Variants in NALF1 observed in about 807,000 individuals in gnomAD.
The protein encoded by NALF1 is family with sequence similarity 155 member A.
A neutral mutation model predicts 48.4 loss-of-function variants in NALF1; 3 were observed. The ratio of observed to expected loss-of-function variants is 0.06; its 90% CI spans 0.03 to 0.16. NALF1 has a LOEUF of 0.16. NALF1 is among the 10% of genes least tolerant of loss of function. NALF1 has a pLI of 1.00. For synonymous variants in NALF1, 262 were observed against 245.7 expected, an observed-to-expected ratio of 1.07 and a Z score of -0.62; for missense variants, 526 against 571.5, an observed-to-expected ratio of 0.92 and a Z score of 0.81.
At chr13:107,475,947 T>A (rs991558715) in intron 1 of NALF1, among the ~76,000 whole-genome samples, 1 of 152,070 alleles carries the variant, frequency 6.6e-6, no homozygotes, top group African/African-American at 2.4e-5. Flanking sequence ...TAAGAAAGAA[T>A]GTGAGAAAAA....
intron 1 of NALF1, among the ~76,000 whole-genome samples, chr13:107,405,137 T>G (rs1566328089): frequency 6.6e-6 from 1 of 152,188 alleles, no homozygotes; most frequent in East Asian, 1.9e-4. Flanking sequence ...AAATCAGGTC[T>G]GCTATATGGC....
At chr13:107,813,150 G>C (rs1879050463) in intron 1 of NALF1, among the ~76,000 whole-genome samples, 1 of 152,052 alleles carries the variant, frequency 6.6e-6, no homozygotes, top group South Asian at 2.1e-4. Context: ...TATGAAATAG[G>C]CTTGGTAAAA....
At chr13:107,321,277 C>T (rs1882249992) in intron 1 of NALF1, among the ~76,000 whole-genome samples, 1 of 151,958 alleles carries the variant, frequency 6.6e-6, no homozygotes, top group South Asian at 2.1e-4. Flanking sequence ...AGAGAACAGG[C>T]TGGCTAAAGG....
At position 107,164,209 on chromosome 13, in the gene NALF1, C is replaced by A. The variant is rs1030825875; in HGVS notation, c.*6288G>T. The stretch of plus-strand genomic sequence containing the variant: ...GAAGTTGTAAATTTATTTCACTGAT[C>A]CTTCTCGCCACTGATTCTATGCAAC... On this transcript the variant is annotated 3_prime_UTR_variant, in exon 3 of 3. Coordinates refer to ENST00000375915, the MANE Select transcript of NALF1 (RefSeq NM_001080396.3). 1 of 152,104 alleles carries A rather than the reference C, an allele frequency of 6.6e-6. No individual in the cohort carries two copies. The highest frequency in any genetic ancestry group is 6.5e-5 in the Admixed American group (1 of 15,272). The allele number at this position is 152,104 out of a possible 1,614,324, so 9.4% of individuals were successfully genotyped here. A position where few individuals can be genotyped will look rare whatever the true frequency, so the allele number is the denominator to read the frequency against.
chr13:107,498,238 CA>C (rs374379281), intron 1 of NALF1, among the ~76,000 whole-genome samples: 63 of 152,048 alleles, frequency 4.1e-4, no homozygotes, highest in African/African-American at 1.4e-3. Flanking sequence ...AATCACATGG[CA>C]AAAAAATTCA....
At chr13:107,580,522 C>T (rs2138410001) in intron 1 of NALF1, among the ~76,000 whole-genome samples, 1 of 152,264 alleles carries the variant, frequency 6.6e-6, no homozygotes, top group East Asian at 1.9e-4. Flanking sequence ...ACCCCACATG[C>T]ATGACATCAG....
chr13:107,720,866 C>A (rs1305376967), intron 1 of NALF1, among the ~76,000 whole-genome samples: 2 of 152,136 alleles, frequency 1.3e-5, no homozygotes, highest in Non-Finnish European at 2.9e-5. Flanking sequence ...CCAAAGGTTG[C>A]ATATATGCAT....
intron 1 of NALF1, among the ~76,000 whole-genome samples, chr13:107,728,877 A>C (rs1876233284): frequency 6.6e-6 from 1 of 152,190 alleles, no homozygotes; most frequent in Admixed American, 6.5e-5. Context: ...CATAGCCAAT[A>C]GGTCAAAAAG....
At chr13:107,855,439 G>A (rs1339741824) in intron 1 of NALF1, among the ~76,000 whole-genome samples, 2 of 152,168 alleles carry the variant, frequency 1.3e-5, no homozygotes, top group Non-Finnish European at 2.9e-5. Context: ...TTCTTCCAAT[G>A]TGGCCCCCAG....
chr13:107,818,734 T>C (rs576693485), intron 1 of NALF1, among the ~76,000 whole-genome samples: 7 of 145,636 alleles, frequency 4.8e-5, no homozygotes, highest in South Asian at 2.2e-4. Context: ...TAGCCGGGCG[T>C]GGTAGCGGGC....
intron 1 of NALF1, among the ~76,000 whole-genome samples, chr13:107,776,636 C>G (rs529051599): frequency 4.3e-4 from 66 of 152,290 alleles, no homozygotes; most frequent in African/African-American, 1.6e-3. Flanking sequence ...CATGATAGAT[C>G]TTATGAATAC....
chr13:107,630,123 A>G (rs1415349142), intron 1 of NALF1, among the ~76,000 whole-genome samples: 3 of 152,162 alleles, frequency 2.0e-5, no homozygotes, highest in African/African-American at 7.2e-5. Flanking sequence ...AGTTATTGAT[A>G]GCCTACTGCT....
chr13:107,632,812 A>G (rs1879867518), intron 1 of NALF1, among the ~76,000 whole-genome samples: 1 of 152,076 alleles, frequency 6.6e-6, no homozygotes, highest in Admixed American at 6.6e-5. Flanking sequence ...ATGAGGGAAT[A>G]AATGGAATAT....
intron 1 of NALF1, among the ~76,000 whole-genome samples, chr13:107,612,046 A>AGGGAGAGAGGGGAGGGGGG (rs1879237097): frequency 4.5e-5 from 4 of 88,816 alleles, no homozygotes; most frequent in African/African-American, 1.3e-4. Context: ...GCAGAGAAGG[A>AGGGAGAGAGGGGAGGGGGG]GGGAGAGAGG....
chr13:107,807,630 A>G (rs1030190836), intron 1 of NALF1, among the ~76,000 whole-genome samples: 5 of 152,210 alleles, frequency 3.3e-5, no homozygotes, highest in African/African-American at 4.8e-5. Context: ...TCCTTCTACA[A>G]ATAATAATTT....
In NALF1 at chr13:107,801,890, C is replaced by T. The variant is rs79290202; in HGVS notation, c.915+63792G>A. Among the ~76,000 whole-genome samples, 5,591 of 152,222 alleles carry T rather than the reference C, an allele frequency of 0.037. 489 individuals carry two copies. In the East Asian group the frequency reaches 0.39, roughly 11 times the overall value. On this transcript the variant is annotated intron_variant, in intron 1 of 2. Transcript: ENST00000375915. ...CTGCACCGGTTGAATGAAATGATTC[C>T]GAATTACCCTCTGCCTTTCACACAT...
intron 1 of NALF1, among the ~76,000 whole-genome samples, chr13:107,502,899 C>T (rs1875567411): frequency 6.6e-6 from 1 of 151,998 alleles, no homozygotes; most frequent in Admixed American, 6.5e-5. Context: ...TGAAAATGGC[C>T]ATCAAAGAGT....
chr13:107,444,634 A>T (rs1346692536), intron 1 of NALF1, among the ~76,000 whole-genome samples: 2 of 152,214 alleles, frequency 1.3e-5, no homozygotes, highest in Non-Finnish European at 2.9e-5. Flanking sequence ...GAGCTATGTC[A>T]TGATTGCAGA....
At chr13:107,378,640 A>G (rs1883380572) in intron 1 of NALF1, among the ~76,000 whole-genome samples, 1 of 152,182 alleles carries the variant, frequency 6.6e-6, no homozygotes, top group South Asian at 2.1e-4. Context: ...GTGACAAAAC[A>G]TTTAGCTGAG....
Sources: gnomAD v4.1 joint callset for allele counts (sites outside exome capture counted in the v4.1 genomes callset) on GRCh38, gnomAD v4.1.1 for gene constraint, MANE v1.5 for transcripts, NCBI Gene and HGNC (gene_info 2026-07-23, HGNC 2026-07-21) for gene names.